Variants in CTIF observed in about 807,000 individuals in gnomAD.
CTIF encodes the protein CBP80/20-dependent translation initiation factor.
CTIF carries 21 observed loss-of-function variants against 66.0 expected under a neutral mutation model. The observed-to-expected ratio is 0.32, with a 90% CI of 0.23 to 0.46. The LOEUF is 0.46. Among genes scored for constraint, CTIF ranks in the 20% least tolerant of loss-of-function variants. The probability of loss-of-function intolerance (pLI) is 1.00; values close to 1 mark genes in which losing one functional copy is unlikely to be tolerated. For synonymous variants in CTIF, 345 were observed against 326.4 expected (o/e 1.06, Z -0.62); for missense variants, 739 against 812.7 (o/e 0.91, Z 1.10).
intron 1 of CTIF, among the ~76,000 whole-genome samples, chr18:48,609,678 G>A (rs1245463108): frequency 6.6e-6 from 1 of 152,208 alleles, no homozygotes; most frequent in Non-Finnish European, 1.5e-5. Flanking sequence ...GGGGCAGTGA[G>A]GAAGCCACCT....
chr18:48,632,133 G>A (rs913527596), intron 2 of CTIF, among the ~76,000 whole-genome samples: 5 of 152,192 alleles, frequency 3.3e-5, no homozygotes, highest in East Asian at 3.9e-4. Flanking sequence ...GGAAGGGAGG[G>A]CTACCAGAGG....
intron 1 of CTIF, among the ~76,000 whole-genome samples, chr18:48,605,309 G>A (rs2090182502): frequency 6.6e-6 from 1 of 152,180 alleles, no homozygotes; most frequent in South Asian, 2.1e-4. Context: ...TACTTTGTAA[G>A]GTCTTTTTAC....
chr18:48,833,498 C>A (rs2146471885), intron 10 of CTIF, among the ~76,000 whole-genome samples: 1 of 152,294 alleles, frequency 6.6e-6, no homozygotes, highest in South Asian at 2.1e-4. Flanking sequence ...CGCCCTCCAC[C>A]TCTCCTCAGA....
intron 1 of CTIF, among the ~76,000 whole-genome samples, chr18:48,573,376 T>C (rs2089462434): frequency 1.3e-5 from 2 of 152,124 alleles, no homozygotes; most frequent in African/African-American, 4.8e-5. Flanking sequence ...GTGTCCTCCA[T>C]GTGACCCAGG....
At chr18:48,847,307 A>C (rs2069102878) in intron 10 of CTIF, among the ~76,000 whole-genome samples, 2 of 70,352 alleles carry the variant, frequency 2.8e-5, no homozygotes, top group South Asian at 1.1e-3. Context: ...ACTCCGTCTC[A>C]AAAAAAAAAA....
At chr18:48,575,193 T>C (rs1291864045) in intron 1 of CTIF, among the ~76,000 whole-genome samples, 5 of 152,236 alleles carry the variant, frequency 3.3e-5, no homozygotes, top group Non-Finnish European at 7.3e-5. Context: ...CCAGCCACTT[T>C]TGTTGAGTGT....
intron 9 of CTIF, among the ~76,000 whole-genome samples, chr18:48,783,544 C>T (rs1911439025): frequency 6.6e-6 from 1 of 152,160 alleles, no homozygotes; most frequent in Admixed American, 6.5e-5. Context: ...CTGAGGAGCC[C>T]GGGGATAAGA....
At chr18:48,598,319 T>G (rs1039516812) in intron 1 of CTIF, among the ~76,000 whole-genome samples, 1 of 152,196 alleles carries the variant, frequency 6.6e-6, no homozygotes, top group African/African-American at 2.4e-5. Flanking sequence ...TCATTCATAT[T>G]TAAGTTTTCA....
chr18:48,711,148 G>A (rs893782678), intron 6 of CTIF, among the ~76,000 whole-genome samples: 4 of 152,204 alleles, frequency 2.6e-5, no homozygotes, highest in Admixed American at 2.6e-4. Context: ...AGGGTTTTCA[G>A]GCTTCACCTC....
intron 3 of CTIF, among the ~76,000 whole-genome samples, chr18:48,650,066 C>T (rs1197501991): frequency 6.6e-6 from 1 of 152,234 alleles, no homozygotes; most frequent in Non-Finnish European, 1.5e-5. Context: ...AAGAGCGCCT[C>T]TTCTCCTCCA....
chr18:48,819,702 T>G (rs539493002), intron 10 of CTIF, among the ~76,000 whole-genome samples: 49 of 152,176 alleles, frequency 3.2e-4, no homozygotes, highest in Non-Finnish European at 5.9e-4. Context: ...ATGGTAAACT[T>G]GAAGAATAAA....
intron 7 of CTIF, among the ~76,000 whole-genome samples, chr18:48,723,502 A>G (rs551530647): frequency 6.6e-6 from 1 of 152,288 alleles, no homozygotes; most frequent in Non-Finnish European, 1.5e-5. Flanking sequence ...AAGCCCTCGA[A>G]ACTGACCAGG....
In CTIF at chr18:48,686,127, G is replaced by A. The variant is rs182748894; in HGVS notation, c.507+15383G>A. ...GCCTGAAATGTCATCATGCTGATCA[G>A]CAAATAGTGGTTTTAAAAAATTCCA... On this transcript the variant is annotated intron_variant, in intron 6 of 11. Transcript: ENST00000256413. Among the ~76,000 whole-genome samples the A allele has an allele frequency of 3.9e-5, 6 of 152,318 alleles. No homozygotes were observed. In the East Asian group the frequency reaches 1.2e-3, roughly 29 times the overall value.
intron 1 of CTIF, among the ~76,000 whole-genome samples, chr18:48,577,076 G>A (rs368624629): frequency 5.8e-4 from 88 of 152,306 alleles, no homozygotes; most frequent in Middle Eastern, 6.8e-3. Context: ...CTGGCCTGGG[G>A]GAGCCAGGAC....
At chr18:48,742,237 G>A (rs1056573202) in intron 7 of CTIF, among the ~76,000 whole-genome samples, 1 of 152,224 alleles carries the variant, frequency 6.6e-6, no homozygotes, top group Non-Finnish European at 1.5e-5. Flanking sequence ...AAGATGTGTT[G>A]AGGCAAAGAT....
Position 48,828,309 on chromosome 18 carries a change from G to C in CTIF, c.1527+10933G>C, listed in dbSNP as rs557090577. On this transcript the variant is annotated intron_variant, in intron 10 of 11. Transcript: ENST00000256413. Reference sequence around the variant, plus strand: ...TAATCCTGTTTTGGAAGGTGGTGTGGGTGCAAGCTTTGGGTATTTTCTCTG... The same window carrying C: ...TAATCCTGTTTTGGAAGGTGGTGTGCGTGCAAGCTTTGGGTATTTTCTCTG... Among the ~76,000 whole-genome samples, 18 of 152,298 alleles carry C rather than the reference G, an allele frequency of 1.2e-4. 1 individual carries two copies. The highest frequency in any genetic ancestry group is 3.4e-3 in the Middle Eastern group (1 of 294).
intron 2 of CTIF, among the ~76,000 whole-genome samples, chr18:48,629,063 C>G (rs2090653673): frequency 2.0e-5 from 3 of 152,194 alleles, no homozygotes; most frequent in Admixed American, 2.0e-4. Context: ...TGGGAGGAAG[C>G]CATTTCCCTT....
chr18:48,730,255 G>A (rs2092428235), intron 7 of CTIF, among the ~76,000 whole-genome samples: 1 of 148,762 alleles, frequency 6.7e-6, no homozygotes, highest in Non-Finnish European at 1.5e-5. Context: ...GCGGTGTGAG[G>A]GGCCCCCGCA....
At chr18:48,683,517 C>T (rs1598863414) in intron 6 of CTIF, among the ~76,000 whole-genome samples, 1 of 151,588 alleles carries the variant, frequency 6.6e-6, no homozygotes, top group East Asian at 2.0e-4. Context: ...GCCTTCACCC[C>T]CCTTGCCCAC....
Sources: gnomAD v4.1 joint callset for allele counts (sites outside exome capture counted in the v4.1 genomes callset) on GRCh38, gnomAD v4.1.1 for gene constraint, MANE v1.5 for transcripts, NCBI Gene and HGNC (gene_info 2026-07-23, HGNC 2026-07-21) for gene names.